The following RAB30 variants were observed in gnomAD, a reference collection of about 807,000 sequenced individuals.
RAB30 encodes ras-related protein Rab-30.
In RAB30, 9 loss-of-function variants were observed where a neutral mutation model predicts 25.1. That is an observed-to-expected ratio of 0.36 (90% CI 0.22 to 0.63). The LOEUF (loss-of-function observed/expected upper bound fraction) is 0.63. Ranked by LOEUF, RAB30 falls within the 20% of genes least tolerant of loss-of-function variation. RAB30 has a pLI of 0.69. For synonymous variants in RAB30, 77 were observed against 86.4 expected (o/e 0.89, Z 0.60); for missense variants, 140 against 243.5 (o/e 0.58, Z 2.83).
chr11:83,071,830 A>C lies in RAB30; in HGVS notation c.-148T>G. The C allele has an allele frequency of 2.8e-6, 1 of 354,066 alleles. No homozygotes were observed. Among genetic ancestry groups the C allele is most frequent in the Non-Finnish European group, 5.0e-6 (1 of 198,798 alleles). The allele number at this position is 354,066 out of a possible 1,614,324, so 21.9% of individuals were successfully genotyped here. A position where few individuals can be genotyped will look rare whatever the true frequency, so the allele number is the denominator to read the frequency against. ...CTGCCCTGGTGCTGCTGCTACACTT[A>C]GCTCAGCTGGAGCGAGCGGCAATCG... is the stretch of plus-strand genomic sequence containing the variant. On this transcript the variant is annotated 5_prime_UTR_variant, in exon 1 of 5. Transcript: ENST00000527633.
chr11:83,016,906 T>A (rs1857451169), intron 1 of RAB30, among the ~76,000 whole-genome samples: 1 of 152,222 alleles, frequency 6.6e-6, no homozygotes, highest in Non-Finnish European at 1.5e-5. Flanking sequence ...CACATCTGGC[T>A]GGGGTCCTAC....
chr11:83,004,430 A>G (rs1216089712), intron 1 of RAB30, among the ~76,000 whole-genome samples: 2 of 152,216 alleles, frequency 1.3e-5, no homozygotes, highest in Non-Finnish European at 2.9e-5. Context: ...TACTCAGGTC[A>G]CAGTAGAAAT....
At chr11:83,041,268 AG>A (rs769374521) in intron 1 of RAB30, 21 of 178,734 alleles carry the variant, frequency 1.2e-4, no homozygotes, top group Non-Finnish European at 1.8e-4. Flanking sequence ...TCTGGTGACC[AG>A]GGAACTTGAA....
intron 1 of RAB30, among the ~76,000 whole-genome samples, chr11:83,031,693 A>G (rs1351237163): frequency 6.6e-6 from 1 of 152,028 alleles, no homozygotes; most frequent in African/African-American, 2.4e-5. Flanking sequence ...ATACCTGGCT[A>G]ATTTTGTATT....
intron 4 of RAB30, among the ~76,000 whole-genome samples, chr11:82,984,610 T>C (rs1009572048): frequency 2.6e-5 from 4 of 152,074 alleles, no homozygotes; most frequent in African/African-American, 9.7e-5. Flanking sequence ...ATAGGAAAAC[T>C]CTCTTGAGGA....
chr11:82,988,252 A>C (rs1387655114), intron 3 of RAB30, among the ~76,000 whole-genome samples: 1 of 152,164 alleles, frequency 6.6e-6, no homozygotes, highest in Non-Finnish European at 1.5e-5. Context: ...CCCAGAACCA[A>C]TTCAACCAGG....
At chr11:83,024,824 C>T (rs1590860554) in intron 1 of RAB30, among the ~76,000 whole-genome samples, 1 of 152,182 alleles carries the variant, frequency 6.6e-6, no homozygotes, top group African/African-American at 2.4e-5. Context: ...TGCACAGTAA[C>T]AAGCGTGAAG....
rs145404606 is a variant in RAB30, at chr11:83,035,165, C to T, written c.-9+36526G>A. Among the ~76,000 whole-genome samples the T allele has an allele frequency of 5.3e-5, 8 of 151,878 alleles. No homozygotes were observed. In the East Asian group the frequency reaches 1.5e-3, roughly 29 times the overall value. On this transcript the variant is annotated intron_variant, in intron 1 of 4. Transcript: ENST00000527633. ...AATAATTTGATCAAGGTCACTGCAT[C>T]ACCAGGATTGGAACCCAGGTCTACC...
chr11:82,973,688 C>T lies in RAB30; in HGVS notation c.*8477G>A, dbSNP rs1468541582. ...TTAAACTAAGATCGTAAGTTGCACTCTCCAAACAGGATTGCAAGAGGTTCT... is the reference window on the plus strand; with the variant it reads ...TTAAACTAAGATCGTAAGTTGCACTTTCCAAACAGGATTGCAAGAGGTTCT... On this transcript the variant is annotated 3_prime_UTR_variant, in exon 5 of 5. Coordinates refer to ENST00000527633, the MANE Select transcript of RAB30 (RefSeq NM_001286060.2). The T allele has an allele frequency of 6.6e-6, 1 of 152,148 alleles. No individual in the cohort carries two copies. The highest frequency in any genetic ancestry group is 1.5e-5 in the Non-Finnish European group (1 of 68,018). The allele number at this position is 152,148 out of a possible 1,614,324, so 9.4% of individuals were successfully genotyped here.
chr11:83,052,917 G>T (rs1438644781), intron 1 of RAB30, among the ~76,000 whole-genome samples: 1 of 152,168 alleles, frequency 6.6e-6, no homozygotes, highest in African/African-American at 2.4e-5. Flanking sequence ...ACTGGGAAAA[G>T]AGACAGTGAG....
chr11:83,045,302 A>T (rs900420276), intron 1 of RAB30, among the ~76,000 whole-genome samples: 36 of 151,690 alleles, frequency 2.4e-4, no homozygotes, highest in African/African-American at 6.3e-4. Flanking sequence ...CCATATATAT[A>T]TTTTTTTTCC....
rs1238811221 is a variant in RAB30, at chr11:82,976,253, C to T, written c.*5912G>A. The T allele has an allele frequency of 2.6e-5, 4 of 152,216 alleles. No homozygotes were observed. Among genetic ancestry groups the T allele is most frequent in the African/African-American group, 9.6e-5 (4 of 41,464 alleles). 9.4% of individuals were successfully genotyped at this position (152,216 alleles called of 1,614,324 possible). ...GGCATCAGACCATTCAAAGTCTGCT[C>T]TTAATTAAAGTGAAAAAGAACTAAT... On this transcript the variant is annotated 3_prime_UTR_variant, in exon 5 of 5. Transcript: ENST00000527633.
intron 1 of RAB30, among the ~76,000 whole-genome samples, chr11:83,024,831 GAAGTA>G (rs1265132218): frequency 2.0e-5 from 3 of 152,212 alleles, no homozygotes; most frequent in African/African-American, 4.8e-5. Context: ...TAACAAGCGT[GAAGTA>G]AAGAACCCTA....
chr11:83,057,933 A>G (rs900755766), intron 1 of RAB30, among the ~76,000 whole-genome samples: 3 of 152,134 alleles, frequency 2.0e-5, no homozygotes, highest in African/African-American at 7.2e-5. Flanking sequence ...CCATCCTACA[A>G]TGCCAGCCTG....
chr11:83,023,757 A>T (rs1453661868), intron 1 of RAB30, among the ~76,000 whole-genome samples: 1 of 152,164 alleles, frequency 6.6e-6, no homozygotes, highest in Non-Finnish European at 1.5e-5. Flanking sequence ...GCCAGCCTCA[A>T]TTCTCACCAA....
rs1389637484 is a variant in RAB30 at position 82,974,089 on chromosome 11, T to TG, written c.*8075dup. On this transcript the variant is annotated 3_prime_UTR_variant, in exon 5 of 5. Coordinates refer to ENST00000527633, the MANE Select transcript of RAB30 (RefSeq NM_001286060.2). The stretch of plus-strand genomic sequence containing the variant: ...AAGTAGATTAGTGGTTGCCGGATGC[T>TG]GGGGGAAGGAGGAGGAGGAGTGATT... The TG allele has an allele frequency of 6.6e-6, 1 of 152,164 alleles. No individual in the cohort carries two copies. Among genetic ancestry groups the TG allele is most frequent in the East Asian group, 1.9e-4 (1 of 5,202 alleles). The allele number at this position is 152,164 out of a possible 1,614,324, so 9.4% of individuals were successfully genotyped here. A position where few individuals can be genotyped will look rare whatever the true frequency, so the allele number is the denominator to read the frequency against.
intron 1 of RAB30, among the ~76,000 whole-genome samples, chr11:83,003,432 C>CA (rs1857127381): frequency 6.6e-6 from 1 of 151,582 alleles, no homozygotes; most frequent in Admixed American, 6.6e-5. Context: ...TTTCTTTTTT[C>CA]TTTTTTTTAG....
Position 82,994,051 on chromosome 11 carries a change from A to G in RAB30, c.165T>C (p.Gly55=), listed in dbSNP as rs762683014. 1.9e-6 allele frequency: 3 copies of G among 1,608,632 alleles called. No homozygotes were observed. The highest frequency in any genetic ancestry group is 4.5e-5 in the East Asian group (2 of 44,812). Residue 55 remains glycine, a synonymous_variant, in exon 3 of 5, where the codon GGT becomes GGC. Coordinates refer to ENST00000527633, the MANE Select transcript of RAB30 (RefSeq NM_001286060.2). ...TTTAGCACCTTACCTTTACTTTTTC[A>G]CCATTAATCTCCACTGTCTTAATCA... ...DFMIKTVEIN[G]EKVKLQIWDT... is the part of the protein sequence containing the mutation.
chr11:83,007,861 T>C (rs1399201445), intron 1 of RAB30, among the ~76,000 whole-genome samples: 1 of 152,216 alleles, frequency 6.6e-6, no homozygotes, highest in African/African-American at 2.4e-5. Flanking sequence ...GACTTCTGTC[T>C]GCAAAACATG....
Sources: gnomAD v4.1 joint callset for allele counts (sites outside exome capture counted in the v4.1 genomes callset) on GRCh38, gnomAD v4.1.1 for gene constraint, MANE v1.5 for transcripts, NCBI Gene and HGNC (gene_info 2026-07-23, HGNC 2026-07-21) for gene names.